Variants in LRCH3 observed in about 807,000 individuals in gnomAD.
LRCH3 encodes the protein DISP complex protein LRCH3.
In LRCH3, 68 loss-of-function variants were observed where a neutral mutation model predicts 104.5. The ratio of observed to expected loss-of-function variants is 0.65; its 90% CI spans 0.54 to 0.80. The LOEUF is 0.80. Among genes scored for constraint, LRCH3 ranks in the 30% least tolerant of loss-of-function variants. The pLI, the probability that LRCH3 is intolerant of heterozygous loss-of-function variation, is 0.00. For missense variants in LRCH3, 951 were observed against 953.9 expected, an observed-to-expected ratio of 1.00 and a Z score of 0.04; for synonymous variants, 344 against 361.3, an observed-to-expected ratio of 0.95 and a Z score of 0.54.
At position 197,886,726 on chromosome 3, in the gene LRCH3, A is replaced by G. The variant is rs1445527879; in HGVS notation, c.*3060A>G. ...TGGCTGAGGCACAAGAATCGCTTCA[A>G]CCTGGAAGCCGAAGGTTGCAGTGGG... On this transcript the variant is annotated 3_prime_UTR_variant, in exon 21 of 21. Transcript: ENST00000425562. 1.3e-5 allele frequency: 2 copies of G among 149,900 alleles called. No individual in the cohort carries two copies. Among genetic ancestry groups the G allele is most frequent in the South Asian group, 2.1e-4 (1 of 4,696 alleles). 9.3% of individuals were successfully genotyped at this position (149,900 alleles called of 1,614,324 possible). A position where few individuals can be genotyped will look rare whatever the true frequency, so the allele number is the denominator to read the frequency against.
chr3:197,832,095 C>G (rs1390485821), intron 7 of LRCH3, 102 bp from the exon 8 acceptor site: 2 of 1,241,260 alleles, frequency 1.6e-6, no homozygotes, highest in Non-Finnish European at 2.2e-6. Context: ...CTCCTGGCCT[C>G]AAGTGATCCT....
chr3:197,803,805 G>A (rs1005922378), intron 1 of LRCH3, among the ~76,000 whole-genome samples: 2 of 152,218 alleles, frequency 1.3e-5, no homozygotes, highest in Non-Finnish European at 2.9e-5. Context: ...CTCGGAATAA[G>A]AATCTGCATT....
In LRCH3 at chr3:197,810,604, G is replaced by A. The variant is rs192647252; in HGVS notation, c.263-4304G>A. ...TTATCTGTTTTATGTATATTATCTC[G>A]GGTTTTTAGTTATAAATTAAAATTT... On this transcript the variant is annotated intron_variant, in intron 1 of 20. Transcript: ENST00000425562. The surrounding 1 kb of genome is among the most constrained non-coding windows in gnomAD (Gnocchi z 4.0). Among the ~76,000 whole-genome samples, 37 of 151,850 alleles carry A rather than the reference G, an allele frequency of 2.4e-4. No individual in the cohort carries two copies. The highest frequency in any genetic ancestry group is 8.0e-4 in the African/African-American group (33 of 41,366).
At chr3:197,807,464 G>T (rs996570564) in intron 1 of LRCH3, among the ~76,000 whole-genome samples, 2 of 151,896 alleles carry the variant, frequency 1.3e-5, no homozygotes, top group African/African-American at 4.8e-5. Flanking sequence ...CCTGTGATCC[G>T]CCCGCCTTGG....
chr3:197,826,775 GAGTAA>G (rs1282541288), intron 4 of LRCH3, 98 bp from the exon 5 acceptor site: 15 of 1,376,768 alleles, frequency 1.1e-5, no homozygotes, highest in Non-Finnish European at 1.5e-5. Flanking sequence ...AAGAGAATGG[GAGTAA>G]ATATCTATGT....
chr3:197,820,178 G>T, intron 3 of LRCH3, 147 bp from the exon 4 acceptor site: 1 of 635,160 alleles, frequency 1.6e-6, no homozygotes, highest in Non-Finnish European at 2.8e-6. Flanking sequence ...CTTCGAACCT[G>T]TAGGTAGTCT....
chr3:197,843,084 TAAA>T (rs11292727), intron 10 of LRCH3, among the ~76,000 whole-genome samples: 2,164 of 140,194 alleles, frequency 0.015, 10 homozygotes, highest in African/African-American at 0.021. Flanking sequence ...GACTCTGTCT[TAAA>T]AAAAAAAAAA....
intron 10 of LRCH3, among the ~76,000 whole-genome samples, chr3:197,841,464 G>A (rs919855002): frequency 6.6e-5 from 10 of 151,998 alleles, no homozygotes; most frequent in Admixed American, 5.2e-4. Context: ...TTAAGGGCTC[G>A]TGATTATATT....
intron 1 of LRCH3, among the ~76,000 whole-genome samples, chr3:197,806,437 A>T (rs1187871192): frequency 4.6e-5 from 7 of 152,118 alleles, no homozygotes; most frequent in Admixed American, 4.6e-4. Flanking sequence ...AACATTTCTG[A>T]CATCAAAGAG....
chr3:197,882,224 G>T lies in LRCH3; in HGVS notation c.2209-1317G>T, dbSNP rs902657627. On this transcript the variant is annotated intron_variant, in intron 20 of 20. Transcript: ENST00000425562. ...GCCGCGCAGGTCCTAGGGCGCTGCT[G>T]AGAGGAAGAGACCAGGGAATCAGCC... The T allele has an allele frequency of 3.0e-6, 3 of 985,290 alleles. No individual in the cohort carries two copies. In the African/African-American group the frequency reaches 5.2e-5, roughly 17 times the overall value. 61.0% of individuals were successfully genotyped at this position (985,290 alleles called of 1,614,324 possible).
At chr3:197,862,748 A>C (rs912122172) in intron 15 of LRCH3, among the ~76,000 whole-genome samples, 36 of 152,156 alleles carry the variant, frequency 2.4e-4, no homozygotes, top group African/African-American at 6.8e-4. Flanking sequence ...CTCTTGTTTG[A>C]ATTAAATTTC....
intron 1 of LRCH3, among the ~76,000 whole-genome samples, chr3:197,812,996 G>T (rs991739835): frequency 1.3e-5 from 2 of 152,238 alleles, no homozygotes; most frequent in South Asian, 2.1e-4. Flanking sequence ...AAGCGCAAAG[G>T]TTCCAATTTC....
chr3:197,820,800 C>A (rs1226624544), intron 4 of LRCH3, among the ~76,000 whole-genome samples: 1 of 151,592 alleles, frequency 6.6e-6, no homozygotes, highest in African/African-American at 2.4e-5. Flanking sequence ...CAGAAAGAGA[C>A]CTTTTTTAAA....
chr3:197,853,572 CATAAA>C (rs1739907572), intron 13 of LRCH3, among the ~76,000 whole-genome samples: 2 of 152,156 alleles, frequency 1.3e-5, no homozygotes, highest in South Asian at 4.1e-4. Context: ...CTTTGCTTTT[CATAAA>C]ATAAGTTATT....
At chr3:197,860,086 T>C (rs1221735111) in intron 15 of LRCH3, among the ~76,000 whole-genome samples, 1 of 152,188 alleles carries the variant, frequency 6.6e-6, no homozygotes, top group Non-Finnish European at 1.5e-5. Flanking sequence ...GACAGGGTCC[T>C]GCTCTGTCTC....
rs550656087 is a variant in LRCH3, at chr3:197,859,757, T to C, written c.1716+852T>C. On this transcript the variant is annotated intron_variant, in intron 15 of 20. Transcript: ENST00000425562. The stretch of plus-strand genomic sequence containing the variant: ...GGAGATTTTCTAGTTATTTAGCATT[T>C]TTTAATGTAAGAATCCTTTTTTTTT... Among the ~76,000 whole-genome samples, 5 of 152,148 alleles carry C rather than the reference T, an allele frequency of 3.3e-5. No homozygotes were observed. The South Asian group carries it at 1.0e-3, about 32-fold the overall frequency.
At chr3:197,864,534 C>A (rs1469504369) in intron 15 of LRCH3, among the ~76,000 whole-genome samples, 1 of 147,080 alleles carries the variant, frequency 6.8e-6, no homozygotes, top group African/African-American at 2.6e-5. Context: ...TGCTTGAACC[C>A]GGGAGGCGGA....
At chr3:197,836,755 G>A (rs980833956) in intron 9 of LRCH3, among the ~76,000 whole-genome samples, 1 of 152,238 alleles carries the variant, frequency 6.6e-6, no homozygotes, top group African/African-American at 2.4e-5. Context: ...TCGGCTTACT[G>A]CAGCCTCTGC....
rs889885058 is a variant in LRCH3, at chr3:197,839,325, C to T, written c.1256C>T (p.Ser419Leu). Residue 419 changes from serine to leucine, a missense_variant, in exon 10 of 21, where the codon TCA becomes TTA. Transcript: ENST00000425562. ...IEQRRISHEG[S>L]PVKPVAIREF... ...TATTTCTGTCCTCTGGCCTAGGGTT[C>T]ACCAGTAAAGCCAGTAGCCATTAGG... The T allele has an allele frequency of 1.3e-6, 2 of 1,590,806 alleles. No individual in the cohort carries two copies. Among genetic ancestry groups the T allele is most frequent in the Non-Finnish European group, 8.5e-7 (1 of 1,170,476 alleles).
Sources: allele counts gnomAD v4.1 joint callset (sites outside exome capture counted in the v4.1 genomes callset), GRCh38; gene constraint gnomAD v4.1.1; non-coding constraint Gnocchi (gnomAD v3.1); transcripts MANE v1.5; gene names NCBI Gene and HGNC (gene_info 2026-07-23, HGNC 2026-07-21).